The following CATSPERD variants were observed in gnomAD, a reference collection of about 807,000 sequenced individuals.
The protein encoded by CATSPERD is cation channel sperm-associated auxiliary subunit delta.
CATSPERD carries 86 observed loss-of-function variants against 98.1 expected under a neutral mutation model. The observed-to-expected ratio is 0.88, with a 90% confidence interval of 0.74 to 1.05. CATSPERD has a LOEUF of 1.05. CATSPERD is among the 50% of genes least tolerant of loss of function. The pLI, the probability that CATSPERD is intolerant of heterozygous loss-of-function variation, is 0.00. For missense variants in CATSPERD, 995 were observed against 1,005.7 expected (o/e 0.99, Z 0.14); for synonymous variants, 394 against 390.2 (o/e 1.01, Z -0.12).
In CATSPERD at chr19:5,776,235, C is replaced by T. The variant is rs200203137; in HGVS notation, c.2016C>T (p.Gly672=). 1.1e-4 allele frequency: 177 copies of T among 1,614,072 alleles called. No homozygotes were observed. The highest frequency in any genetic ancestry group is 1.4e-4 in the Non-Finnish European group (162 of 1,180,034). Residue 672 remains glycine, a synonymous_variant, in exon 21 of 22, where the codon GGC becomes GGT. Coordinates refer to ENST00000381624, the MANE Select transcript of CATSPERD (RefSeq NM_152784.4). ...RWPDVQYQIL[G]GRTANQIIFG... is the part of the protein sequence containing the mutation. The stretch of plus-strand genomic sequence containing the variant: ...CAGACGTCCAGTATCAGATCTTGGG[C>T]GGCCGGACAGCAAACCAGATCATTT...
At chr19:5,753,563 A>G (rs1230902454) in intron 12 of CATSPERD, 2 of 297,018 alleles carry the variant, frequency 6.7e-6, no homozygotes, top group South Asian at 2.8e-5. Flanking sequence ...CTCTGTCTCA[A>G]AAAAAAAAAA....
intron 5 of CATSPERD, 38 bp from the exon 6 acceptor site, chr19:5,737,100 G>A: frequency 7.3e-7 from 1 of 1,374,250 alleles, no homozygotes; most frequent in South Asian, 1.2e-5. Flanking sequence ...AAACTTCAGG[G>A]AACTCATAAA....
At chr19:5,755,357 T>C (rs1267008404) in intron 13 of CATSPERD, among the ~76,000 whole-genome samples, 2 of 152,190 alleles carry the variant, frequency 1.3e-5, no homozygotes, top group East Asian at 3.8e-4. Context: ...TATTGAGTAT[T>C]ATACTCAATA....
At chr19:5,751,621 G>A in intron 11 of CATSPERD, 26 bp from the exon 12 acceptor site, 1 of 1,345,364 alleles carries the variant, frequency 7.4e-7, no homozygotes, top group Non-Finnish European at 9.8e-7. Context: ...ACAATGATTA[G>A]ATCTCAGGAA....
chr19:5,753,670 G>T, intron 12 of CATSPERD: 1 of 332,502 alleles, frequency 3.0e-6, no homozygotes. Flanking sequence ...AGGAATTTGG[G>T]ACCAGCGTGG....
At position 5,749,160 on chromosome 19, in the gene CATSPERD, A is replaced by C; in HGVS notation, c.964A>C (p.Ile322Leu). 6.2e-7 allele frequency: 1 copy of C among 1,612,544 alleles called. No homozygotes were observed. Among genetic ancestry groups the C allele is most frequent in the Non-Finnish European group, 8.5e-7 (1 of 1,179,260 alleles). The change falls in exon 11 of 22, where the codon ATC (isoleucine) becomes CTC (leucine). Residue 322 changes from isoleucine to leucine, a missense_variant. Physicochemically the swap from Ile to Leu is conservative, Grantham distance 5 (BLOSUM62 2). Around this residue, in one of 3 missense-constraint regions of CATSPERD, gnomAD observed 762 missense variants for 773.7 expected, o/e 0.98. Transcript: ENST00000381624. Reference sequence around the variant, plus strand: ...TAATTTGTATTATGGCAATCTGGGCATCGTGCCAAGTTCCATAATCAAAGT... The same window carrying C: ...TAATTTGTATTATGGCAATCTGGGCCTCGTGCCAAGTTCCATAATCAAAGT... Reference protein sequence around the residue: ...EDNLYYGNLGIVPSSIIKFAD... With the variant: ...EDNLYYGNLGLVPSSIIKFAD...
chr19:5,731,657 G>A (rs1207332244), intron 4 of CATSPERD, among the ~76,000 whole-genome samples: 1 of 124,416 alleles, frequency 8.0e-6, no homozygotes, highest in South Asian at 2.9e-4. Context: ...CTCACTGCAA[G>A]CTCCGCTTCC....
At chr19:5,751,561 AAAAAAAATC>A in intron 11 of CATSPERD, 77 bp from the exon 12 acceptor site, 10 of 468,046 alleles carry the variant, frequency 2.1e-5, no homozygotes, top group African/African-American at 7.2e-5. Context: ...AAAAAAAAAA[AAAAAAAATC>A]TGCATCATGA....
chr19:5,748,245 C>T lies in CATSPERD; in HGVS notation c.894C>T (p.Asn298=), dbSNP rs368431820. The T allele has an allele frequency of 1.2e-6, 2 of 1,613,764 alleles. No individual in the cohort carries two copies. Among genetic ancestry groups the T allele is most frequent in the African/African-American group, 2.7e-5 (2 of 74,932 alleles). ...SIFEAKITIH[N]IAVTENELAV... ...TTGAAGCCAAGATCACCATCCACAA[C>T]ATTGCTGTCAGTGCGTAGCCGACCC... Residue 298 remains asparagine, a synonymous_variant, in exon 10 of 22, where the codon AAC becomes AAT. Transcript: ENST00000381624.
chr19:5,772,687 C>T, intron 19 of CATSPERD, 101 bp from the exon 20 acceptor site: 2 of 1,223,390 alleles, frequency 1.6e-6, no homozygotes, highest in Non-Finnish European at 1.2e-6. Flanking sequence ...TGTCACCTCC[C>T]ACCCCCCAAG....
At chr19:5,759,615 G>A (rs1286947928) in intron 15 of CATSPERD, among the ~76,000 whole-genome samples, 1 of 149,058 alleles carries the variant, frequency 6.7e-6, no homozygotes, top group Non-Finnish European at 1.5e-5. Flanking sequence ...AGTGGCGGGC[G>A]CCTATAATCC....
At chr19:5,727,087 C>T (rs1362218872) in intron 2 of CATSPERD, among the ~76,000 whole-genome samples, 181 bp from the exon 3 acceptor site, 1 of 151,880 alleles carries the variant, frequency 6.6e-6, no homozygotes, top group East Asian at 1.9e-4. Context: ...CCCAGCTACT[C>T]GGGAGGCTGA....
intron 4 of CATSPERD, among the ~76,000 whole-genome samples, chr19:5,733,333 T>G (rs2055767999): frequency 7.3e-6 from 1 of 137,784 alleles, no homozygotes; most frequent in African/African-American, 2.7e-5. Context: ...CTTTCTTTCT[T>G]TCCTTTCTTT....
intron 15 of CATSPERD, among the ~76,000 whole-genome samples, chr19:5,762,998 A>G (rs1167339586): frequency 2.6e-5 from 4 of 151,300 alleles, no homozygotes; most frequent in Non-Finnish European, 5.9e-5. Context: ...GAATGGATGG[A>G]TAAATGCGTA....
Position 5,733,913 on chromosome 19 carries a change from G to A in CATSPERD, c.334G>A (p.Val112Met), listed in dbSNP as rs2055787903. Residue 112 changes from valine to methionine, a missense_variant, in exon 5 of 22, where the codon GTG becomes ATG. Val to Met is a conservative substitution (Grantham distance 21). This residue lies in a region of CATSPERD where 228 missense variants were observed against 209.6 expected (regional missense o/e 1.09). Transcript: ENST00000381624. ...TGCTGGTTCGTTATTGCTGTTAGTAGTGGATCAAAAAGTCTATATTTATGA... is the reference window on the plus strand; with the variant it reads ...TGCTGGTTCGTTATTGCTGTTAGTAATGGATCAAAAAGTCTATATTTATGA... ...HFAGSLLLLV[V>M]DQKVYIYDYE... 2 of 1,612,818 alleles carry A rather than the reference G, an allele frequency of 1.2e-6. No individual in the cohort carries two copies. Among genetic ancestry groups the A allele is most frequent in the Admixed American group, 3.4e-5 (2 of 59,648 alleles).
chr19:5,729,198 C>T (rs979376728), intron 3 of CATSPERD, among the ~76,000 whole-genome samples: 10 of 151,754 alleles, frequency 6.6e-5, no homozygotes, highest in South Asian at 2.1e-4. Flanking sequence ...CAGGTTCAGG[C>T]GATTCTCCTG....
At position 5,733,447 on chromosome 19, in the gene CATSPERD, TTCTC is replaced by T. The variant is rs202180703; in HGVS notation, c.277-399_277-396del. Among the ~76,000 whole-genome samples, 123 of 146,040 alleles carry T rather than the reference TTCTC, an allele frequency of 8.4e-4. 1 individual carries two copies. Among genetic ancestry groups the T allele is most frequent in the Middle Eastern group, 3.4e-3 (1 of 292 alleles). The stretch of plus-strand genomic sequence containing the variant: ...CTTCCTTCCTCCTTTCTTTCTTTCT[TTCTC>T]TCTCTCTCTATTTCTTTTCTTTCTT... On this transcript the variant is annotated intron_variant, in intron 4 of 21. Transcript: ENST00000381624.
At chr19:5,738,970 C>T (rs574816013) in intron 6 of CATSPERD, among the ~76,000 whole-genome samples, 5 of 152,018 alleles carry the variant, frequency 3.3e-5, no homozygotes, top group East Asian at 1.9e-4. Flanking sequence ...TCAACTGATC[C>T]GCCCGCCTCA....
At chr19:5,723,110 C>A (rs1343166609) in intron 1 of CATSPERD, among the ~76,000 whole-genome samples, 1 of 150,390 alleles carries the variant, frequency 6.6e-6, no homozygotes, top group Non-Finnish European at 1.5e-5. Flanking sequence ...TGGCGTGAAC[C>A]CGGGAGGTGG....
Sources: gnomAD v4.1 joint callset for allele counts (sites outside exome capture counted in the v4.1 genomes callset) on GRCh38, gnomAD v4.1.1 for gene constraint, gnomAD v4.1.1 regional missense constraint, MANE v1.5 for transcripts, NCBI Gene and HGNC (gene_info 2026-07-23, HGNC 2026-07-21) for gene names.